Variants in NREP observed in about 807,000 individuals in gnomAD.
The protein encoded by NREP is neuronal regeneration-related protein.
NREP carries 5 observed loss-of-function variants against 8.6 expected under a neutral mutation model. The observed-to-expected ratio is 0.58, with a 90% CI of 0.30 to 1.22. NREP has a LOEUF of 1.22. NREP is among the 50% of genes most tolerant of loss of function. The probability of loss-of-function intolerance (pLI) is 0.07; values close to 1 mark genes in which losing one functional copy is unlikely to be tolerated. For missense variants in NREP, 86 were observed against 82.5 expected, an observed-to-expected ratio of 1.04 and a Z score of -0.17; for synonymous variants, 27 against 28.0, an observed-to-expected ratio of 0.96 and a Z score of 0.11.
At chr5:111,959,226 TACTC>T (rs1351915555) in intron 2 of NREP, among the ~76,000 whole-genome samples, 2 of 151,968 alleles carry the variant, frequency 1.3e-5, no homozygotes, top group African/African-American at 4.8e-5. Flanking sequence ...TACTCTAACT[TACTC>T]TGTGAGTTCA....
chr5:111,962,183 T>C (rs1756498965), intron 2 of NREP, among the ~76,000 whole-genome samples: 1 of 152,220 alleles, frequency 6.6e-6, no homozygotes, highest in South Asian at 2.1e-4. Context: ...GACTACATTT[T>C]GTTTTTAATC....
intron 2 of NREP, among the ~76,000 whole-genome samples, chr5:111,748,113 C>CT (rs138112135): frequency 2.8e-3 from 424 of 152,226 alleles, no homozygotes; most frequent in African/African-American, 9.3e-3. Flanking sequence ...AGTGATATTC[C>CT]TTTTTTATCA....
chr5:111,759,769 C>T (rs890864976), upstream of NREP, among the ~76,000 whole-genome samples: 4 of 152,176 alleles, frequency 2.6e-5, no homozygotes, highest in Non-Finnish European at 5.9e-5. Flanking sequence ...CTCACTCAAA[C>T]TGTAGCTATA....
At chr5:111,738,643 T>C (rs1258306683) in intron 2 of NREP, 1 of 152,224 alleles carries the variant, frequency 6.6e-6, no homozygotes, top group Non-Finnish European at 1.5e-5. Context: ...TTCTGCCTTC[T>C]AGATGCTCAC....
intron 2 of NREP, chr5:111,912,653 A>T (rs907887842): frequency 8.5e-5 from 13 of 152,084 alleles, no homozygotes; most frequent in Non-Finnish European, 1.5e-4. Flanking sequence ...TAGGCTAATA[A>T]CTGAAGACAG....
chr5:111,909,002 T>C (rs1441723411), intron 2 of NREP, among the ~76,000 whole-genome samples: 2 of 152,088 alleles, frequency 1.3e-5, no homozygotes, highest in Non-Finnish European at 2.9e-5. Flanking sequence ...TTTTCTTATG[T>C]CTGCTGGTCA....
intron 2 of NREP, among the ~76,000 whole-genome samples, chr5:111,932,737 T>C (rs1328533991): frequency 1.3e-5 from 2 of 152,120 alleles, no homozygotes; most frequent in Non-Finnish European, 2.9e-5. Context: ...TGAATTAGCA[T>C]GCCTCTGCCA....
At chr5:111,737,826 T>C (rs1442796562) in intron 2 of NREP, among the ~76,000 whole-genome samples, 1 of 151,954 alleles carries the variant, frequency 6.6e-6, no homozygotes. Context: ...GGAAACTTTC[T>C]CCCTTACTTC....
intron 2 of NREP, among the ~76,000 whole-genome samples, chr5:111,957,722 T>C (rs1014023277): frequency 4.6e-5 from 7 of 151,422 alleles, no homozygotes; most frequent in African/African-American, 1.5e-4. Flanking sequence ...CACACACACA[T>C]ATATATCTGT....
chr5:111,757,620 C>G, upstream of NREP: 5 of 983,254 alleles, frequency 5.1e-6, no homozygotes, highest in Non-Finnish European at 6.0e-6. Context: ...CGCGCGCGCC[C>G]CGACACCCCG....
Position 111,933,547 on chromosome 5 carries a change from CAG to C in NREP, c.135+41725_135+41726del, listed in dbSNP as rs781693381. Among the ~76,000 whole-genome samples, 3 of 152,170 alleles carry C rather than the reference CAG, an allele frequency of 2.0e-5. No individual in the cohort carries two copies. In the East Asian group the frequency reaches 5.8e-4, roughly 29 times the overall value. The stretch of plus-strand genomic sequence containing the variant: ...TTGCCCATACCCCTTTATTGAGAGA[CAG>C]AGGAAGTATTGCCATCCAAGCCAAG... On this transcript the variant is annotated intron_variant, in intron 2 of 3. Transcript: ENST00000395634.
At chr5:111,777,891 G>C (rs940271842) in intron 2 of NREP, among the ~76,000 whole-genome samples, 1 of 152,108 alleles carries the variant, frequency 6.6e-6, no homozygotes, top group Non-Finnish European at 1.5e-5. Context: ...CTGATTGCCT[G>C]TGTGATGGCT....
intron 2 of NREP, among the ~76,000 whole-genome samples, chr5:111,844,176 GCTA>G (rs1753101469): frequency 6.6e-6 from 1 of 152,040 alleles, no homozygotes; most frequent in African/African-American, 2.4e-5. Context: ...AAAAAAGAAT[GCTA>G]CTGTGGAAAT....
intron 2 of NREP, among the ~76,000 whole-genome samples, chr5:111,879,366 C>T (rs532364593): frequency 6.6e-6 from 1 of 152,162 alleles, no homozygotes; most frequent in Admixed American, 6.5e-5. Flanking sequence ...GATAAAAGAT[C>T]CCTTCCCTCA....
Position 111,729,900 on chromosome 5 carries a change from C to T in NREP, c.*1021G>A, listed in dbSNP as rs32253. 139,323 of 152,686 alleles carry T rather than the reference C, an allele frequency of 0.91. 63,698 individuals carry two copies. Among genetic ancestry groups the T allele is most frequent in the African/African-American group, 0.94 (38,829 of 41,524 alleles). 9.5% of individuals were successfully genotyped at this position (152,686 alleles called of 1,614,324 possible). A position where few individuals can be genotyped will look rare whatever the true frequency, so the allele number is the denominator to read the frequency against. ...GGAAAAGGTGTCATTTTCATATTCCCACTCAGATGCCAGTGTTTTGGGTTT... is the reference window on the plus strand; with the variant it reads ...GGAAAAGGTGTCATTTTCATATTCCTACTCAGATGCCAGTGTTTTGGGTTT... On this transcript the variant is annotated 3_prime_UTR_variant, in exon 4 of 4. Transcript: ENST00000257435.
chr5:111,947,755 G>C (rs1756031888), intron 2 of NREP, among the ~76,000 whole-genome samples: 1 of 152,034 alleles, frequency 6.6e-6, no homozygotes. Flanking sequence ...TGAATGCAGT[G>C]ATTTTAAATT....
chr5:111,895,614 T>C (rs1754491538), intron 2 of NREP, among the ~76,000 whole-genome samples: 1 of 152,070 alleles, frequency 6.6e-6, no homozygotes, highest in Admixed American at 6.6e-5. Context: ...GTTAATACCT[T>C]AACTTGGGTT....
chr5:111,760,419 G>C (rs75764777), upstream of NREP, among the ~76,000 whole-genome samples: 6,545 of 152,240 alleles, frequency 0.043, 158 homozygotes, highest in African/African-American at 0.063. Flanking sequence ...GATTTTCGTA[G>C]GGAGGAGGAA....
chr5:111,818,770 A>C (rs1581139872), intron 2 of NREP, among the ~76,000 whole-genome samples: 1 of 152,334 alleles, frequency 6.6e-6, no homozygotes, highest in South Asian at 2.1e-4. Context: ...AAACAATCTG[A>C]TTGTAGTGGT....
Sources: allele counts gnomAD v4.1 joint callset (sites outside exome capture counted in the v4.1 genomes callset), GRCh38; gene constraint gnomAD v4.1.1; transcripts MANE v1.5; gene names NCBI Gene and HGNC (gene_info 2026-07-23, HGNC 2026-07-21).